The following ZNF804B variants were observed in gnomAD, a reference collection of about 807,000 sequenced individuals.
ZNF804B encodes zinc finger protein 804B, also known as zinc finger 804B.
In ZNF804B, 80 loss-of-function variants were observed where a neutral mutation model predicts 101.4. The observed-to-expected ratio is 0.79, with a 90% confidence interval of 0.66 to 0.95. The LOEUF is 0.95. Among genes scored for constraint, ZNF804B ranks in the 40% least tolerant of loss-of-function variants. The pLI is 0.00. For synonymous variants in ZNF804B, 622 were observed against 558.8 expected (o/e 1.11, Z -1.59); for missense variants, 1,673 against 1,561.9 (o/e 1.07, Z -1.20).
chr7:89,270,011 G>A (rs1789861422), intron 2 of ZNF804B, among the ~76,000 whole-genome samples: 1 of 152,024 alleles, frequency 6.6e-6, no homozygotes, highest in African/African-American at 2.4e-5. Flanking sequence ...CCATTTTGTG[G>A]GTTGCCTGTT....
At chr7:88,968,259 C>T (rs1035477827) in intron 1 of ZNF804B, among the ~76,000 whole-genome samples, 6 of 151,420 alleles carry the variant, frequency 4.0e-5, no homozygotes, top group East Asian at 2.0e-4. Context: ...CTTTTTTAAG[C>T]GATAACTTTT....
chr7:89,056,451 C>T (rs1038560014), intron 1 of ZNF804B, among the ~76,000 whole-genome samples: 5 of 152,066 alleles, frequency 3.3e-5, no homozygotes, highest in African/African-American at 9.7e-5. Context: ...TATGTGTCTT[C>T]TTAGAGCTTA....
chr7:89,236,028 G>A (rs1357085419), intron 2 of ZNF804B, among the ~76,000 whole-genome samples: 1 of 152,080 alleles, frequency 6.6e-6, no homozygotes, highest in East Asian at 1.9e-4. Context: ...AATTTTTGTA[G>A]CTTCTCAAAT....
intron 1 of ZNF804B, among the ~76,000 whole-genome samples, chr7:88,824,612 A>T (rs897315829): frequency 6.6e-6 from 1 of 152,170 alleles, no homozygotes; most frequent in Non-Finnish European, 1.5e-5. Flanking sequence ...TGTTGTTTAA[A>T]CACCACTTCT....
intron 1 of ZNF804B, among the ~76,000 whole-genome samples, chr7:88,895,096 G>T (rs998446309): frequency 6.6e-6 from 1 of 152,032 alleles, no homozygotes; most frequent in East Asian, 1.9e-4. Context: ...ATTTTGTTTT[G>T]CTTTTCTTTT....
At chr7:88,787,425 G>A (rs1035957162) in intron 1 of ZNF804B, among the ~76,000 whole-genome samples, 1 of 152,040 alleles carries the variant, frequency 6.6e-6, no homozygotes, top group African/African-American at 2.4e-5. Flanking sequence ...CTTTAAAGAT[G>A]TTCCTTCTCA....
intron 1 of ZNF804B, among the ~76,000 whole-genome samples, chr7:89,103,156 A>T (rs11975470): frequency 0.51 from 71,923 of 140,628 alleles, 18,420 homozygotes; most frequent in Middle Eastern, 0.59. Context: ...TGTCTCCAGA[A>T]TTGTTCTTTT....
intron 1 of ZNF804B, among the ~76,000 whole-genome samples, chr7:89,100,112 AT>A (rs959878244): frequency 2.4e-4 from 36 of 152,104 alleles, no homozygotes; most frequent in African/African-American, 8.2e-4. Flanking sequence ...AAGAAACCAT[AT>A]TTTTTAGACT....
chr7:89,258,257 C>T (rs1460416829), intron 2 of ZNF804B, among the ~76,000 whole-genome samples: 1 of 152,010 alleles, frequency 6.6e-6, no homozygotes, highest in African/African-American at 2.4e-5. Flanking sequence ...GGAACTTGAG[C>T]ATCTGCAGAT....
chr7:89,278,275 G>A lies in ZNF804B; in HGVS notation c.250-49069G>A, dbSNP rs1282591972. On this transcript the variant is annotated intron_variant, in intron 2 of 3. Transcript: ENST00000333190. ...ACCCTTTGTCAGATGAGTAGGTTGT[G>A]AAAAATTTCTCCCATTTTGTAGGTT... Among the ~76,000 whole-genome samples, 6 of 151,964 alleles carry A rather than the reference G, an allele frequency of 3.9e-5. No individual in the cohort carries two copies. In the East Asian group the frequency reaches 9.7e-4, roughly 24 times the overall value.
chr7:88,967,117 T>C (rs1004672970), intron 1 of ZNF804B, among the ~76,000 whole-genome samples: 7 of 151,502 alleles, frequency 4.6e-5, no homozygotes, highest in Non-Finnish European at 1.0e-4. Context: ...TTTGATAGTA[T>C]AAAAGGAAAG....
chr7:88,877,006 A>AATATATATATATATAT (rs1554342839), intron 1 of ZNF804B, among the ~76,000 whole-genome samples: 6 of 84,296 alleles, frequency 7.1e-5, no homozygotes, highest in African/African-American at 5.5e-4. Flanking sequence ...TTGAAAAAAA[A>AATATATATATATATAT]AATATATATA....
At chr7:89,016,854 T>C (rs1788572163) in intron 1 of ZNF804B, among the ~76,000 whole-genome samples, 1 of 152,216 alleles carries the variant, frequency 6.6e-6, no homozygotes, top group Non-Finnish European at 1.5e-5. Context: ...TTTAAAGTAA[T>C]ATTTTCCAAT....
intron 1 of ZNF804B, among the ~76,000 whole-genome samples, chr7:89,129,534 G>T (rs1295406127): frequency 6.6e-6 from 1 of 151,994 alleles, no homozygotes; most frequent in African/African-American, 2.4e-5. Flanking sequence ...AGGCTTCCAA[G>T]ATTGAGAACA....
chr7:88,997,893 C>G (rs1253858640), intron 1 of ZNF804B, among the ~76,000 whole-genome samples: 2 of 152,038 alleles, frequency 1.3e-5, no homozygotes, highest in African/African-American at 2.4e-5. Flanking sequence ...TGATCTATCC[C>G]TTTTCAGAAT....
intron 1 of ZNF804B, among the ~76,000 whole-genome samples, chr7:89,169,645 C>T (rs746342255): frequency 2.6e-5 from 4 of 152,088 alleles, no homozygotes; most frequent in East Asian, 1.9e-4. Flanking sequence ...ATACATAATT[C>T]GATAATATCT....
intron 1 of ZNF804B, among the ~76,000 whole-genome samples, chr7:89,045,722 C>A (rs1789093946): frequency 6.6e-6 from 1 of 152,190 alleles, no homozygotes; most frequent in Non-Finnish European, 1.5e-5. Flanking sequence ...TGTATTTACC[C>A]AATCCCTGTA....
At chr7:89,165,563 A>T (rs925904694) in intron 1 of ZNF804B, among the ~76,000 whole-genome samples, 1 of 152,084 alleles carries the variant, frequency 6.6e-6, no homozygotes, top group Non-Finnish European at 1.5e-5. Context: ...TAGGAGTTTT[A>T]GCATGTAACT....
intron 1 of ZNF804B, among the ~76,000 whole-genome samples, chr7:89,000,172 A>G (rs1185887160): frequency 6.6e-6 from 1 of 151,978 alleles, no homozygotes; most frequent in African/African-American, 2.4e-5. Flanking sequence ...GTTCTGTCCT[A>G]ATTCAAAGTA....
Sources: allele counts gnomAD v4.1 joint callset (sites outside exome capture counted in the v4.1 genomes callset), GRCh38; gene constraint gnomAD v4.1.1; transcripts MANE v1.5; gene names NCBI Gene and HGNC (gene_info 2026-07-23, HGNC 2026-07-21).